The following NPIPB11 variants were observed in gnomAD, a reference collection of about 807,000 sequenced individuals.
NPIPB11 encodes nuclear pore complex interacting protein family member B11.
NPIPB11 carries 17 observed loss-of-function variants against 32.8 expected under a neutral mutation model. That is an observed-to-expected ratio of 0.52 (90% CI 0.35 to 0.78). NPIPB11 has a LOEUF of 0.78. Among genes scored for constraint, NPIPB11 ranks in the 30% least tolerant of loss-of-function variants. NPIPB11 has a pLI of 0.01. For missense variants in NPIPB11, 537 were observed against 1,000.4 expected (o/e 0.54, Z 6.25); for synonymous variants, 209 against 398.4 (o/e 0.52, Z 5.66).
In NPIPB11 at chr16:29,391,777, G is replaced by C. The variant is rs1253779317; in HGVS notation, c.250-1429C>G. On this transcript the variant is annotated intron_variant, in intron 3 of 7. Coordinates refer to ENST00000524087, the Ensembl canonical transcript of NPIPB11. ...TCACTCTCAACCATGCTGAAGTGCA[G>C]TGGCGCTACCTTGGCTCACGGCAGC... Among the ~76,000 whole-genome samples, 4 of 152,230 alleles carry C rather than the reference G, an allele frequency of 2.6e-5. No individual in the cohort carries two copies. The East Asian group carries it at 7.7e-4, about 29-fold the overall frequency.
chr16:29,394,641 GC>G (rs1266440606), intron 2 of NPIPB11, among the ~76,000 whole-genome samples: 1 of 151,852 alleles, frequency 6.6e-6, no homozygotes, highest in East Asian at 1.9e-4. Context: ...CACCATGTTG[GC>G]CAGTCTGGCC....
At chr16:29,406,011 C>T (rs1313511398), upstream of NPIPB11, among the ~76,000 whole-genome samples, 3 of 152,254 alleles carry the variant, frequency 2.0e-5, no homozygotes, top group Admixed American at 1.3e-4. Flanking sequence ...TAAATTAATA[C>T]TCTTTTAATA....
rs1042467392 is a variant in NPIPB11, at chr16:29,394,158, G to A, written c.121-82C>T. On this transcript the variant is annotated intron_variant, in intron 2 of 7. Coordinates refer to ENST00000524087, the Ensembl canonical transcript of NPIPB11. ...TCAGAAAGAATCATCCTTAGAAACC[G>A]TCAACCTCCTCCAAAAGGTAACCAC... is the stretch of plus-strand genomic sequence containing the variant. 1,703 of 1,467,540 alleles carry A rather than the reference G, an allele frequency of 1.2e-3. 4 individuals carry two copies. The highest frequency in any genetic ancestry group is 1.4e-3 in the East Asian group (61 of 43,652). The allele number at this position is 1,467,540 out of a possible 1,614,324, so 90.9% of individuals were successfully genotyped here. A position where few individuals can be genotyped will look rare whatever the true frequency, so the allele number is the denominator to read the frequency against.
chr16:29,406,577 G>A (rs1416119990), upstream of NPIPB11, among the ~76,000 whole-genome samples: 4 of 152,170 alleles, frequency 2.6e-5, no homozygotes, highest in Non-Finnish European at 5.9e-5. Context: ...AGCCATGCCT[G>A]GTGGCACATG....
chr16:29,400,366 GC>G (rs1363079578), intron 2 of NPIPB11, among the ~76,000 whole-genome samples: 3 of 151,770 alleles, frequency 2.0e-5, no homozygotes, highest in Non-Finnish European at 4.4e-5. Context: ...TGGAGGCATG[GC>G]CAGGCACCTT....
At chr16:29,406,276 G>T (rs1467397429), upstream of NPIPB11, among the ~76,000 whole-genome samples, 1 of 152,386 alleles carries the variant, frequency 6.6e-6, no homozygotes, top group Non-Finnish European at 1.5e-5. Flanking sequence ...ACTGTCAAGT[G>T]AGGTGACATT....
chr16:29,390,961 C>CAAA (rs1173802573), intron 3 of NPIPB11, among the ~76,000 whole-genome samples: 2,163 of 84,450 alleles, frequency 0.026, 109 homozygotes, highest in African/African-American at 0.093. Context: ...GAAACTGTCT[C>CAAA]AAAAAAAAAA....
upstream of NPIPB11, among the ~76,000 whole-genome samples, chr16:29,404,272 T>TGTCC (rs2142142624): frequency 1.1e-5 from 1 of 91,102 alleles, no homozygotes; most frequent in South Asian, 4.5e-4. Flanking sequence ...CACAAGGCCT[T>TGTCC]GTCCGTGGCA....
At chr16:29,406,225 G>C (rs962055839), upstream of NPIPB11, among the ~76,000 whole-genome samples, 2 of 152,260 alleles carry the variant, frequency 1.3e-5, no homozygotes, top group African/African-American at 4.8e-5. Flanking sequence ...TAGATTAAAT[G>C]GGCAGGCATT....
intron 3 of NPIPB11, among the ~76,000 whole-genome samples, chr16:29,390,605 T>A (rs1310017045): frequency 2.0e-5 from 3 of 148,394 alleles, no homozygotes; most frequent in African/African-American, 5.0e-5. Flanking sequence ...TGAGCCGAGA[T>A]CACACCACTG....
At chr16:29,405,342 A>T (rs1964090318), upstream of NPIPB11, among the ~76,000 whole-genome samples, 1 of 152,004 alleles carries the variant, frequency 6.6e-6, no homozygotes, top group Non-Finnish European at 1.5e-5. Context: ...AAATATTATT[A>T]AAAGCCTACT....
intron 2 of NPIPB11, among the ~76,000 whole-genome samples, chr16:29,400,793 G>C (rs1963970032): frequency 6.6e-6 from 1 of 152,088 alleles, no homozygotes; most frequent in Admixed American, 6.5e-5. Context: ...TTATCCACTG[G>C]AGCATCAGCA....
chr16:29,383,146 T>A (rs777040572), exon 8 of NPIPB11: 1 of 1,592,946 alleles, frequency 6.3e-7, no homozygotes, highest in African/African-American at 1.4e-5. Flanking sequence ...GAGATTATCA[T>A]CCGCTGAGGG....
rs1452903237 is a variant in NPIPB11 at position 29,399,788 on chromosome 16, C to G, written c.120+3895G>C. Among the ~76,000 whole-genome samples, 3 of 151,498 alleles carry G rather than the reference C, an allele frequency of 2.0e-5. No individual in the cohort carries two copies. In the East Asian group the frequency reaches 5.9e-4, roughly 30 times the overall value. ...TTATATGCTGCAGCCATGTTCCAGC[C>G]CTAGATTTGGCTGGGCATGGTGGCT... On this transcript the variant is annotated intron_variant, in intron 2 of 7. Transcript: ENST00000524087.
chr16:29,390,696 G>T (rs1173878080), intron 3 of NPIPB11, among the ~76,000 whole-genome samples: 1 of 151,740 alleles, frequency 6.6e-6, no homozygotes, highest in Admixed American at 6.6e-5. Flanking sequence ...TGGCACAGTG[G>T]CTCACTCCTG....
chr16:29,394,424 AAC>A (rs1963799396), intron 2 of NPIPB11, among the ~76,000 whole-genome samples: 1 of 129,710 alleles, frequency 7.7e-6, no homozygotes, highest in African/African-American at 3.0e-5. Context: ...TCTAAAAAAA[AAC>A]CTCTTTTTTT....
intron 2 of NPIPB11, among the ~76,000 whole-genome samples, chr16:29,394,766 G>A (rs1253962843): frequency 6.7e-6 from 1 of 148,358 alleles, no homozygotes; most frequent in Non-Finnish European, 1.5e-5. Flanking sequence ...GTTTTTTTGA[G>A]ATGGGGTCTC....
At chr16:29,405,220 A>G (rs1362289165), upstream of NPIPB11, among the ~76,000 whole-genome samples, 1 of 152,052 alleles carries the variant, frequency 6.6e-6, no homozygotes, top group East Asian at 1.9e-4. Context: ...AATTTCCTAA[A>G]TATGCAAGAA....
chr16:29,389,984 G>A lies in NPIPB11; in HGVS notation c.502C>T (p.Arg168Cys), dbSNP rs771683272. ...CTCTTTCCATTGATTTTGTCATGAC[G>A]GTTGATTTTCGTTGTCACCTTCCTC... The change falls in exon 5 of 8, where the codon CGT becomes TGT. Residue 168 changes from arginine to cysteine, a missense_variant. Coordinates refer to ENST00000524087, the Ensembl canonical transcript of NPIPB11. 7.4e-5 allele frequency: 118 copies of A among 1,591,362 alleles called. 2 individuals are homozygous for A. The highest frequency in any genetic ancestry group is 1.2e-4 in the Admixed American group (7 of 59,394).
Sources: allele counts gnomAD v4.1 joint callset (sites outside exome capture counted in the v4.1 genomes callset), GRCh38; gene constraint gnomAD v4.1.1; transcripts MANE v1.5; gene names NCBI Gene and HGNC (gene_info 2026-07-23, HGNC 2026-07-21).